Variants in SLC35D1 observed in about 807,000 individuals in gnomAD.
SLC35D1 encodes the protein nucleotide sugar transporter SLC35D1.
In SLC35D1, 31 loss-of-function variants were observed where a neutral mutation model predicts 46.7. The observed-to-expected ratio is 0.66, with a 90% CI of 0.50 to 0.90. The LOEUF (loss-of-function observed/expected upper bound fraction) is 0.90, where lower values mean the gene tolerates loss of function less well. Among genes scored for constraint, SLC35D1 ranks in the 40% least tolerant of loss-of-function variants. SLC35D1 has a pLI of 0.00. For missense variants in SLC35D1, 397 were observed against 426.2 expected, an observed-to-expected ratio of 0.93 and a Z score of 0.60; for synonymous variants, 195 against 164.6, an observed-to-expected ratio of 1.18 and a Z score of -1.41.
chr1:67,005,392 C>T (rs1667426581), intron 11 of SLC35D1, among the ~76,000 whole-genome samples: 1 of 152,196 alleles, frequency 6.6e-6, no homozygotes, highest in Non-Finnish European at 1.5e-5. Context: ...TGAGAGACGC[C>T]TAGCTCTTGT....
At chr1:66,977,945 T>A in the SLC35D1 span, among the ~76,000 whole-genome samples, 2 of 152,136 alleles carry the variant, frequency 1.3e-5, no homozygotes. Context: ...ACTCCTGTAA[T>A]CCCAGCACTT....
downstream of SLC35D1, among the ~76,000 whole-genome samples, chr1:66,997,835 A>G (rs1262958795): frequency 6.7e-6 from 1 of 148,838 alleles, no homozygotes; most frequent in East Asian, 1.9e-4. Flanking sequence ...AAAAAAATAT[A>G]TATATATCTC....
chr1:67,005,321 TA>T (rs1228754944), intron 11 of SLC35D1, among the ~76,000 whole-genome samples: 1 of 152,154 alleles, frequency 6.6e-6, no homozygotes, highest in Non-Finnish European at 1.5e-5. Context: ...ACTTGCTGCT[TA>T]TTTGAAATTA....
At chr1:67,023,426 C>G (rs1667851574) in intron 8 of SLC35D1, among the ~76,000 whole-genome samples, 1 of 151,312 alleles carries the variant, frequency 6.6e-6, no homozygotes, top group African/African-American at 2.4e-5. Flanking sequence ...TATTGAGTAT[C>G]TTTTAATCTT....
chr1:67,021,712 GACACAGACACAGAC>G (rs1334035990), intron 8 of SLC35D1, 110 bp from the exon 9 acceptor site: 22 of 353,460 alleles, frequency 6.2e-5, no homozygotes, highest in African/African-American at 2.2e-4. Context: ...CACAGACACA[GACACAGACACAGAC>G]ACACACACAC....
the SLC35D1 span, chr1:66,986,113 C>T: frequency 3.6e-6 from 4 of 1,100,516 alleles, no homozygotes; most frequent in Admixed American, 4.9e-5. Flanking sequence ...TGTTGGCAGG[C>T]AGTATCGATT....
intron 8 of SLC35D1, among the ~76,000 whole-genome samples, chr1:67,035,537 C>T (rs967588490): frequency 2.6e-5 from 4 of 151,968 alleles, no homozygotes; most frequent in Admixed American, 6.6e-5. Context: ...TCAGTTGTAA[C>T]GTCTCCTTTT....
Position 67,040,668 on chromosome 1 carries a change from A to G in SLC35D1, c.729+1568T>C, listed in dbSNP as rs151075146. Among the ~76,000 whole-genome samples the G allele has an allele frequency of 4.1e-3, 627 of 152,030 alleles. 3 individuals are homozygous for G. The highest frequency in any genetic ancestry group is 0.015 in the African/African-American group (601 of 41,444). On this transcript the variant is annotated intron_variant, in intron 8 of 11. Transcript: ENST00000235345. ...AAGGCCCACTTTGACTTTTCCTGGT[A>G]TTTGCCCATTTAAAAAATGCTAAGC... is the stretch of plus-strand genomic sequence containing the variant.
intron 8 of SLC35D1, among the ~76,000 whole-genome samples, chr1:67,037,124 C>A (rs775920372): frequency 3.3e-5 from 5 of 152,006 alleles, no homozygotes; most frequent in Non-Finnish European, 5.9e-5. Flanking sequence ...TATTGTTTCT[C>A]TTGATATCTT....
chr1:66,990,451 T>C, the SLC35D1 span, among the ~76,000 whole-genome samples: 40 of 151,986 alleles, frequency 2.6e-4, no homozygotes, highest in Non-Finnish European at 5.1e-4. Flanking sequence ...TATTTTTTTG[T>C]AGACAGGGTT....
chr1:66,990,291 C>T, the SLC35D1 span, among the ~76,000 whole-genome samples: 7 of 152,058 alleles, frequency 4.6e-5, no homozygotes, highest in African/African-American at 1.4e-4. Flanking sequence ...TTCTTTTTTC[C>T]GGAGACAACG....
chr1:67,019,501 C>G (rs951759125), intron 10 of SLC35D1, among the ~76,000 whole-genome samples: 1 of 152,182 alleles, frequency 6.6e-6, no homozygotes, highest in Admixed American at 6.5e-5. Context: ...AATCTAGTCT[C>G]TAAACTGAGA....
At chr1:66,997,797 T>C (rs1667258961), downstream of SLC35D1, among the ~76,000 whole-genome samples, 2 of 147,126 alleles carry the variant, frequency 1.4e-5, no homozygotes, top group South Asian at 2.1e-4. Flanking sequence ...ATATAAATAT[T>C]GTTATTTATA....
At chr1:66,978,209 A>AG in the SLC35D1 span, among the ~76,000 whole-genome samples, 2 of 149,464 alleles carry the variant, frequency 1.3e-5, no homozygotes, top group Admixed American at 6.6e-5. Flanking sequence ...AAAAAAAAAA[A>AG]AAAGATGTGC....
At chr1:66,976,862 G>T in the SLC35D1 span, 1 of 660,992 alleles carries the variant, frequency 1.5e-6, no homozygotes, top group Non-Finnish European at 2.3e-6. Context: ...ATAAAATCTT[G>T]CTTTTATAAT....
the SLC35D1 span, among the ~76,000 whole-genome samples, chr1:66,974,096 A>T: frequency 4.6e-5 from 7 of 151,390 alleles, no homozygotes. Flanking sequence ...TCTTATTTTT[A>T]TTATTTTTTT....
the SLC35D1 span, among the ~76,000 whole-genome samples, chr1:66,980,644 CATACTT>C: frequency 6.6e-6 from 1 of 152,166 alleles, no homozygotes; most frequent in African/African-American, 2.4e-5. Flanking sequence ...ATATTTCTAT[CATACTT>C]ATGCTGAAGG....
intron 8 of SLC35D1, among the ~76,000 whole-genome samples, chr1:67,029,896 G>A (rs752205614): frequency 9.2e-5 from 14 of 151,774 alleles, no homozygotes; most frequent in Non-Finnish European, 1.6e-4. Context: ...TGTTTCCTGC[G>A]CCCCACGCCC....
chr1:66,984,594 T>C, the SLC35D1 span: 10 of 1,603,924 alleles, frequency 6.2e-6, no homozygotes, highest in African/African-American at 8.1e-5. Context: ...ATGGACCAGG[T>C]GAAATATTAA....
Sources: gnomAD v4.1 joint callset for allele counts (sites outside exome capture counted in the v4.1 genomes callset) on GRCh38, gnomAD v4.1.1 for gene constraint, MANE v1.5 for transcripts, NCBI Gene and HGNC (gene_info 2026-07-23, HGNC 2026-07-21) for gene names.